The following FZD3 variants were observed in gnomAD, a reference collection of about 807,000 sequenced individuals.
FZD3 encodes frizzled-3.
In FZD3, 30 loss-of-function variants were observed where a neutral mutation model predicts 60.7. The observed-to-expected ratio is 0.49, with a 90% CI of 0.37 to 0.67. The LOEUF (loss-of-function observed/expected upper bound fraction) is 0.67. Ranked by LOEUF, FZD3 falls within the 30% of genes least tolerant of loss-of-function variation. The pLI is 0.00. For missense variants in FZD3, 605 were observed against 838.7 expected, an observed-to-expected ratio of 0.72 and a Z score of 3.44; for synonymous variants, 246 against 275.2, an observed-to-expected ratio of 0.89 and a Z score of 1.05.
intron 7 of FZD3, among the ~76,000 whole-genome samples, chr8:28,559,870 C>G (rs1805583659): frequency 6.6e-6 from 1 of 152,220 alleles, no homozygotes; most frequent in African/African-American, 2.4e-5. Flanking sequence ...CCAATACTCA[C>G]TCTGGCCCAG....
chr8:28,527,930 C>T lies in FZD3; in HGVS notation c.1170C>T (p.Leu390=), dbSNP rs746743884. ...ATGTGGTAGTTGGGGTTTCTCTCCT[C>T]TTAGCTGGCATTATATCCCTAAACA... ...CLYVVVGVSL[L]LAGIISLNRV... The change falls in exon 5 of 8, where the codon CTC becomes CTT. Residue 390 remains leucine, a synonymous_variant. Transcript: ENST00000240093. The surrounding 1 kb of genome is among the most constrained non-coding windows in gnomAD (Gnocchi z 5.0). 2.5e-5 allele frequency: 40 copies of T among 1,614,004 alleles called. No individual in the cohort carries two copies. The African/African-American group carries it at 4.1e-4, about 17-fold the overall frequency.
At chr8:28,537,564 C>G (rs1284221904) in intron 5 of FZD3, among the ~76,000 whole-genome samples, 2 of 151,590 alleles carry the variant, frequency 1.3e-5, no homozygotes, top group African/African-American at 2.4e-5. Context: ...GGTACAAAAG[C>G]AGCCATAGAC....
intron 3 of FZD3, among the ~76,000 whole-genome samples, chr8:28,519,361 T>C (rs185666344): frequency 6.6e-5 from 10 of 152,326 alleles, no homozygotes; most frequent in Admixed American, 5.9e-4. Context: ...TTGGGGTTAC[T>C]ATTTTTTTTC....
chr8:28,504,711 T>C (rs1322884108), intron 3 of FZD3, among the ~76,000 whole-genome samples: 2 of 152,236 alleles, frequency 1.3e-5, no homozygotes, highest in Non-Finnish European at 2.9e-5. Flanking sequence ...TCATACGCAA[T>C]AGGTGATTCA....
intron 5 of FZD3, among the ~76,000 whole-genome samples, chr8:28,544,681 A>T (rs1805254171): frequency 6.6e-6 from 1 of 152,234 alleles, no homozygotes; most frequent in Non-Finnish European, 1.5e-5. Context: ...GAAGAAAATG[A>T]TAAAACATAC....
At chr8:28,512,310 T>C (rs1804310395) in intron 3 of FZD3, among the ~76,000 whole-genome samples, 1 of 152,130 alleles carries the variant, frequency 6.6e-6, no homozygotes, top group Non-Finnish European at 1.5e-5. Context: ...TTGTACTTGA[T>C]CCATTGTTAG....
At chr8:28,559,160 T>A (rs1179379436) in intron 7 of FZD3, among the ~76,000 whole-genome samples, 3 of 152,190 alleles carry the variant, frequency 2.0e-5, no homozygotes, top group Non-Finnish European at 4.4e-5. Flanking sequence ...TCAGCCACTC[T>A]CATCTGAATA....
At chr8:28,556,088 T>C (rs1356300705) in intron 7 of FZD3, 117 bp downstream of exon 7, 2 of 699,360 alleles carry the variant, frequency 2.9e-6, no homozygotes, top group African/African-American at 1.8e-5. Flanking sequence ...CTTTGAACTT[T>C]GCTAGATAGA....
At chr8:28,542,091 CT>C (rs61301257) in intron 5 of FZD3, among the ~76,000 whole-genome samples, 51,117 of 133,050 alleles carry the variant, frequency 0.38, 9,595 homozygotes, top group Non-Finnish European at 0.4. Flanking sequence ...GAATGAAATC[CT>C]TTTTTTTTTT....
intron 5 of FZD3, among the ~76,000 whole-genome samples, chr8:28,537,968 T>C (rs1805061107): frequency 6.6e-6 from 1 of 151,814 alleles, no homozygotes; most frequent in Non-Finnish European, 1.5e-5. Flanking sequence ...AATACAAAAA[T>C]TAGCTGGGCG....
chr8:28,496,675 AAG>A (rs1304151509), intron 1 of FZD3, among the ~76,000 whole-genome samples: 1 of 152,212 alleles, frequency 6.6e-6, no homozygotes, highest in African/African-American at 2.4e-5. Flanking sequence ...CTGGCTAGGA[AAG>A]AGTTTTACCT....
At chr8:28,559,910 TG>T (rs1472100353) in intron 7 of FZD3, among the ~76,000 whole-genome samples, 1 of 152,208 alleles carries the variant, frequency 6.6e-6, no homozygotes, top group Non-Finnish European at 1.5e-5. Flanking sequence ...TTGATCTCTG[TG>T]CTATATAAAA....
chr8:28,535,410 A>G (rs946818072), intron 5 of FZD3, among the ~76,000 whole-genome samples: 4 of 152,186 alleles, frequency 2.6e-5, no homozygotes, highest in African/African-American at 9.7e-5. Flanking sequence ...ATTATTAACT[A>G]AAGTTCATAC....
chr8:28,540,143 C>G (rs945822329), intron 5 of FZD3, among the ~76,000 whole-genome samples: 2 of 152,162 alleles, frequency 1.3e-5, no homozygotes, highest in African/African-American at 4.8e-5. Flanking sequence ...AGGGACAGTC[C>G]TCAAGACCCA....
chr8:28,545,312 A>T (rs1805269453), intron 5 of FZD3, among the ~76,000 whole-genome samples: 1 of 152,224 alleles, frequency 6.6e-6, no homozygotes, highest in Non-Finnish European at 1.5e-5. Flanking sequence ...GTGATTCTGT[A>T]TGACCCCAAG....
chr8:28,546,480 T>A (rs1805295666), intron 5 of FZD3, among the ~76,000 whole-genome samples: 1 of 152,218 alleles, frequency 6.6e-6, no homozygotes, highest in African/African-American at 2.4e-5. Flanking sequence ...AATTTGGATG[T>A]ACCATAATTT....
rs756446289 is a variant in FZD3, at chr8:28,555,990, G to A, written c.1787+19G>A. On this transcript the variant is annotated intron_variant, in intron 7 of 7. Transcript: ENST00000240093. ...ATGGCAGGTGAGTTTTGTTAGTAGT[G>A]TAGTTTATTTCATAAGCTGAATTAT... The A allele has an allele frequency of 6.8e-7, 1 of 1,472,656 alleles. No individual in the cohort carries two copies. Among genetic ancestry groups the A allele is most frequent in the South Asian group, 1.1e-5 (1 of 87,144 alleles). The allele number at this position is 1,472,656 out of a possible 1,614,324, so 91.2% of individuals were successfully genotyped here.
intron 6 of FZD3, among the ~76,000 whole-genome samples, chr8:28,554,639 A>G (rs958600005): frequency 6.6e-6 from 1 of 152,106 alleles, no homozygotes; most frequent in East Asian, 1.9e-4. Flanking sequence ...TAGATATCCA[A>G]TATTCCCTTA....
intron 5 of FZD3, among the ~76,000 whole-genome samples, chr8:28,542,987 C>A (rs1053321680): frequency 6.6e-6 from 1 of 152,128 alleles, no homozygotes; most frequent in African/African-American, 2.4e-5. Flanking sequence ...TAGGATGTAT[C>A]TCTAAGGATA....
Sources: allele counts gnomAD v4.1 joint callset (sites outside exome capture counted in the v4.1 genomes callset), GRCh38; gene constraint gnomAD v4.1.1; non-coding constraint Gnocchi (gnomAD v3.1); transcripts MANE v1.5; gene names NCBI Gene and HGNC (gene_info 2026-07-23, HGNC 2026-07-21).